Variants in ERICH3 observed in about 807,000 individuals in gnomAD.
The protein encoded by ERICH3 is glutamate-rich protein 3.
In ERICH3, 126 loss-of-function variants were observed where a neutral mutation model predicts 131.1. The observed-to-expected ratio is 0.96, with a 90% CI of 0.83 to 1.11. The LOEUF is 1.11. ERICH3 is among the 50% of genes most tolerant of loss of function. ERICH3 has a pLI of 0.00. For missense variants in ERICH3, 2,050 were observed against 1,810.7 expected, an observed-to-expected ratio of 1.13 and a Z score of -2.40; for synonymous variants, 695 against 644.6, an observed-to-expected ratio of 1.08 and a Z score of -1.18.
At chr1:74,645,248 A>G (rs1646471068) in intron 3 of ERICH3, among the ~76,000 whole-genome samples, 2 of 152,012 alleles carry the variant, frequency 1.3e-5, no homozygotes, top group African/African-American at 4.8e-5. Flanking sequence ...ACACAGCCTC[A>G]TACTGGCACA....
At chr1:74,633,625 C>G (rs892410988) in intron 6 of ERICH3, among the ~76,000 whole-genome samples, 8 of 151,934 alleles carry the variant, frequency 5.3e-5, no homozygotes, top group Admixed American at 1.3e-4. Flanking sequence ...AGTAATAATA[C>G]TTTTTAAATG....
intron 3 of ERICH3, among the ~76,000 whole-genome samples, chr1:74,644,292 C>T (rs1646462448): frequency 6.6e-6 from 1 of 152,004 alleles, no homozygotes; most frequent in Non-Finnish European, 1.5e-5. Context: ...AACCTTTTTC[C>T]ACCTTCCATT....
At chr1:74,650,834 CTGTGTGTGTGTG>C (rs5775252) in intron 1 of ERICH3, among the ~76,000 whole-genome samples, 6 of 146,116 alleles carry the variant, frequency 4.1e-5, no homozygotes, top group Admixed American at 6.8e-5. Flanking sequence ...GAGGGGACTA[CTGTGTGTGTGTG>C]TGTGTGTGTG....
chr1:74,575,582 G>C (rs1647037243), intron 13 of ERICH3, among the ~76,000 whole-genome samples: 1 of 152,192 alleles, frequency 6.6e-6, no homozygotes, highest in Non-Finnish European at 1.5e-5. Context: ...AATAACGTGT[G>C]TCAAGTCTCT....
chr1:74,673,838 T>A (rs986961682), upstream of ERICH3: 3 of 309,144 alleles, frequency 9.7e-6, no homozygotes, highest in Admixed American at 5.2e-5. Flanking sequence ...CTTCTACCCC[T>A]TTTTCTGGGC....
rs185025412 is a variant in ERICH3, at chr1:74,621,081, A to T, written c.820-167T>A. On this transcript the variant is annotated intron_variant, in intron 7 of 14. Coordinates refer to ENST00000326665, the MANE Select transcript of ERICH3 (RefSeq NM_001002912.5). ...GCACAAAAAGTCAAACTCATTGCAA[A>T]ATAAATCCTCCTAAATAACTATAAC... is the stretch of plus-strand genomic sequence containing the variant. 1.1e-3 allele frequency among the ~76,000 whole-genome samples: 166 copies of T among 152,340 alleles called. 1 individual carries two copies. Among genetic ancestry groups the T allele is most frequent in the Middle Eastern group, 0.01 (3 of 294 alleles).
intron 12 of ERICH3, chr1:74,579,784 C>T (rs1647143624): frequency 1.0e-6 from 1 of 985,228 alleles, no homozygotes; most frequent in African/African-American, 1.7e-5. Context: ...TTTAGCCCTT[C>T]ATCCCCTAAG....
intron 1 of ERICH3, among the ~76,000 whole-genome samples, chr1:74,665,046 G>C (rs1255037915): frequency 6.6e-6 from 1 of 152,076 alleles, no homozygotes; most frequent in African/African-American, 2.4e-5. Context: ...ATTGTATTAG[G>C]AGATGGGTTC....
intron 1 of ERICH3, among the ~76,000 whole-genome samples, chr1:74,671,850 C>G (rs939938005): frequency 6.6e-6 from 1 of 152,198 alleles, no homozygotes; most frequent in African/African-American, 2.4e-5. Flanking sequence ...GTTCTGAACA[C>G]TGTCCTAAGT....
At chr1:74,579,371 C>G (rs1430328823) in intron 12 of ERICH3, 5 of 983,768 alleles carry the variant, frequency 5.1e-6, no homozygotes, top group Non-Finnish European at 6.0e-6. Context: ...AGAAGCCAAA[C>G]AATACTAACA....
intron 11 of ERICH3, among the ~76,000 whole-genome samples, chr1:74,596,930 A>C (rs1647879628): frequency 6.6e-6 from 1 of 152,068 alleles, no homozygotes; most frequent in Non-Finnish European, 1.5e-5. Flanking sequence ...GGCAGTTCAA[A>C]TGAGGCTGAC....
intron 9 of ERICH3, among the ~76,000 whole-genome samples, chr1:74,610,372 A>G (rs1648627573): frequency 6.7e-6 from 1 of 149,656 alleles, no homozygotes; most frequent in African/African-American, 2.5e-5. Flanking sequence ...CACATCTATT[A>G]ATAGCAACTC....
intron 1 of ERICH3, among the ~76,000 whole-genome samples, chr1:74,669,830 A>G (rs1294790244): frequency 6.6e-6 from 1 of 152,228 alleles, no homozygotes; most frequent in African/African-American, 2.4e-5. Context: ...GCACTAAGAG[A>G]AGGAATCAGG....
chr1:74,646,559 TAGAC>T (rs898607041), intron 3 of ERICH3, 104 bp downstream of exon 3: 5 of 673,740 alleles, frequency 7.4e-6, no homozygotes, highest in Non-Finnish European at 8.8e-6. Context: ...ATTATCATAT[TAGAC>T]AAAATCAATT....
rs1163774643 is a variant in ERICH3, at chr1:74,573,485, G to A, written c.2225C>T (p.Thr742Ile). The A allele has an allele frequency of 6.6e-7, 1 of 1,508,992 alleles. No individual in the cohort carries two copies. The highest frequency in any genetic ancestry group is 8.8e-7 in the Non-Finnish European group (1 of 1,132,908). 93.5% of individuals were successfully genotyped at this position (1,508,992 alleles called of 1,614,324 possible). ...LAYVLALGAP[T>I]MNFMVDETAA... Reference sequence around the variant, plus strand: ...TGTTTCATCCACCATGAAATTCATTGTTGGTGCTATAAAAATAAGGTTAGA... The same window carrying A: ...TGTTTCATCCACCATGAAATTCATTATTGGTGCTATAAAAATAAGGTTAGA... Residue 742 changes from threonine (T) to isoleucine (I), a missense_variant, in exon 14 of 15, where the codon ACA (threonine) becomes ATA (isoleucine). Thr to Ile is a moderately conservative substitution (Grantham distance 89). Transcript: ENST00000326665.
chr1:74,589,528 G>T, intron 12 of ERICH3, 103 bp downstream of exon 12: 3 of 1,101,494 alleles, frequency 2.7e-6, no homozygotes, highest in African/African-American at 1.6e-5. Flanking sequence ...AATCCCTAAA[G>T]CATTGTCACA....
At chr1:74,589,515 T>C in intron 12 of ERICH3, 116 bp downstream of exon 12, 8 of 1,010,330 alleles carry the variant, frequency 7.9e-6, no homozygotes, top group African/African-American at 1.6e-5. Context: ...GCAAAAAATC[T>C]TGAATCCCTA....
intron 1 of ERICH3, among the ~76,000 whole-genome samples, chr1:74,653,469 G>A (rs1339468438): frequency 6.6e-6 from 1 of 151,966 alleles, no homozygotes; most frequent in Non-Finnish European, 1.5e-5. Context: ...GAAAGAGAGA[G>A]AGAGAGTTCT....
chr1:74,594,628 C>T (rs964259493), intron 11 of ERICH3, among the ~76,000 whole-genome samples: 1 of 152,062 alleles, frequency 6.6e-6, no homozygotes, highest in Non-Finnish European at 1.5e-5. Context: ...TATCCACCTC[C>T]GTTCGCATGA....
Sources: allele counts gnomAD v4.1 joint callset (sites outside exome capture counted in the v4.1 genomes callset), GRCh38; gene constraint gnomAD v4.1.1; transcripts MANE v1.5; gene names NCBI Gene and HGNC (gene_info 2026-07-23, HGNC 2026-07-21).